PRR16: variants seen among roughly 807,000 people sequenced by gnomAD.
The protein encoded by PRR16 is protein Largen.
In PRR16, 6 loss-of-function variants were observed where a neutral mutation model predicts 18.2. The ratio of observed to expected loss-of-function variants is 0.33; its 90% confidence interval spans 0.18 to 0.65. The LOEUF (loss-of-function observed/expected upper bound fraction) is 0.65. Ranked by LOEUF, PRR16 falls within the 30% of genes least tolerant of loss-of-function variation. The pLI is 0.74. For missense variants in PRR16, 412 were observed against 376.6 expected, an observed-to-expected ratio of 1.09 and a Z score of -0.78; for synonymous variants, 151 against 147.8, an observed-to-expected ratio of 1.02 and a Z score of -0.16.
chr5:120,763,007 C>T, the PRR16 span, among the ~76,000 whole-genome samples: 1 of 152,098 alleles, frequency 6.6e-6, no homozygotes, highest in Non-Finnish European at 1.5e-5. Flanking sequence ...TTCCCAGCCT[C>T]ATGTACTAAA....
At chr5:120,715,072 A>G in the PRR16 span, among the ~76,000 whole-genome samples, 1 of 152,062 alleles carries the variant, frequency 6.6e-6, no homozygotes. Flanking sequence ...CTATGTAACA[A>G]AACTGCACAT....
chr5:120,705,605 T>C, the PRR16 span, among the ~76,000 whole-genome samples: 3 of 152,124 alleles, frequency 2.0e-5, no homozygotes, highest in African/African-American at 4.8e-5. Flanking sequence ...TAAATTTTTA[T>C]TCTTGTGTTT....
chr5:120,741,114 T>C, the PRR16 span, among the ~76,000 whole-genome samples: 1 of 151,994 alleles, frequency 6.6e-6, no homozygotes, highest in Non-Finnish European at 1.5e-5. Flanking sequence ...ATAAATGGCA[T>C]ATTTTAAATT....
chr5:120,643,961 T>C (rs1028373731), intron 1 of PRR16, among the ~76,000 whole-genome samples: 5 of 152,104 alleles, frequency 3.3e-5, no homozygotes, highest in African/African-American at 1.2e-4. Flanking sequence ...GCTGAGATCA[T>C]GCCACTGTAC....
intron 1 of PRR16, among the ~76,000 whole-genome samples, chr5:120,508,679 A>T (rs1750724414): frequency 6.6e-6 from 1 of 152,116 alleles, no homozygotes; most frequent in African/African-American, 2.4e-5. Context: ...TAATTAACAG[A>T]GACTTATTTG....
At chr5:120,638,986 C>T (rs1042397068) in intron 1 of PRR16, among the ~76,000 whole-genome samples, 18 of 152,172 alleles carry the variant, frequency 1.2e-4, no homozygotes, top group African/African-American at 4.3e-4. Context: ...ATGGAGTTCT[C>T]AAATTATTAC....
At chr5:120,665,500 G>A (rs1196420984) in intron 1 of PRR16, among the ~76,000 whole-genome samples, 1 of 152,170 alleles carries the variant, frequency 6.6e-6, no homozygotes, top group African/African-American at 2.4e-5. Flanking sequence ...TGTTGCTGTT[G>A]CTTTTAGTGT....
chr5:120,615,858 A>G (rs2112812591), intron 1 of PRR16, among the ~76,000 whole-genome samples: 2 of 152,280 alleles, frequency 1.3e-5, no homozygotes, highest in Middle Eastern at 3.4e-3. Context: ...GAGGGTTCCT[A>G]GCACATACTC....
At chr5:120,682,152 A>C (rs147667749) in intron 1 of PRR16, among the ~76,000 whole-genome samples, 2 of 152,162 alleles carry the variant, frequency 1.3e-5, no homozygotes, top group African/African-American at 4.8e-5. Flanking sequence ...CAGTCTTTAA[A>C]TCACTCACAC....
chr5:120,642,393 G>A (rs1755451763), intron 1 of PRR16, among the ~76,000 whole-genome samples: 1 of 151,970 alleles, frequency 6.6e-6, no homozygotes, highest in Admixed American at 6.6e-5. Context: ...GAGATGTAAA[G>A]AGATGGTGGT....
chr5:120,623,098 A>G lies in PRR16; in HGVS notation c.160-62856A>G, dbSNP rs914711658. On this transcript the variant is annotated intron_variant, in intron 1 of 1. Transcript: ENST00000407149. ...TTATTTTCAACTATTTACAGAATATACCACCACTTGAAAATGTACTGTTAC... is the reference window on the plus strand; with the variant it reads ...TTATTTTCAACTATTTACAGAATATGCCACCACTTGAAAATGTACTGTTAC... Among the ~76,000 whole-genome samples the G allele has an allele frequency of 2.6e-5, 4 of 152,244 alleles. No homozygotes were observed. The South Asian group carries it at 6.2e-4, about 24-fold the overall frequency.
chr5:120,570,467 A>G (rs965450563), intron 1 of PRR16, among the ~76,000 whole-genome samples: 1 of 152,178 alleles, frequency 6.6e-6, no homozygotes, highest in Non-Finnish European at 1.5e-5. Flanking sequence ...ACGAAGCTTA[A>G]ATGGTTTTCA....
At chr5:120,502,789 C>A (rs903454341) in intron 1 of PRR16, among the ~76,000 whole-genome samples, 1 of 152,166 alleles carries the variant, frequency 6.6e-6, no homozygotes, top group African/African-American at 2.4e-5. Context: ...GAGTAATAGA[C>A]TGTCTCATAA....
chr5:120,468,584 CA>C (rs1167859862), intron 1 of PRR16, among the ~76,000 whole-genome samples: 3 of 152,148 alleles, frequency 2.0e-5, no homozygotes, highest in Non-Finnish European at 4.4e-5. Context: ...AGAAACAAAG[CA>C]ATTGCTTTTT....
chr5:120,553,309 G>T (rs1752311749), intron 1 of PRR16, among the ~76,000 whole-genome samples: 1 of 151,820 alleles, frequency 6.6e-6, no homozygotes, highest in South Asian at 2.1e-4. Flanking sequence ...TGTTACATAG[G>T]AAGGACTGTT....
At chr5:120,614,120 TC>T (rs558800554) in intron 1 of PRR16, among the ~76,000 whole-genome samples, 122 of 152,326 alleles carry the variant, frequency 8.0e-4, no homozygotes, top group African/African-American at 2.7e-3. Flanking sequence ...TACATGTTTT[TC>T]TTCTGTAATC....
chr5:120,497,883 T>A (rs1202734684), intron 1 of PRR16, among the ~76,000 whole-genome samples: 2 of 151,744 alleles, frequency 1.3e-5, no homozygotes, highest in Non-Finnish European at 2.9e-5. Flanking sequence ...TTTTGATTAA[T>A]GTCTGCATGG....
the PRR16 span, among the ~76,000 whole-genome samples, chr5:120,710,992 C>T: frequency 2.6e-5 from 4 of 152,022 alleles, no homozygotes. Context: ...GTCCTTGGCC[C>T]ATGGTCTGTT....
intron 1 of PRR16, among the ~76,000 whole-genome samples, chr5:120,491,425 TTTCCTTTCCTTTC>T (rs1184131731): frequency 0.14 from 85 of 590 alleles, no homozygotes; most frequent in Non-Finnish European, 0.22. Context: ...TACCCTTTCC[TTTCCTTTCCTTTC>T]CTTTCCTTTC....
Sources: allele counts gnomAD v4.1 joint callset (sites outside exome capture counted in the v4.1 genomes callset), GRCh38; gene constraint gnomAD v4.1.1; transcripts MANE v1.5; gene names NCBI Gene and HGNC (gene_info 2026-07-23, HGNC 2026-07-21).